The following APBB2 variants were observed in gnomAD, a reference collection of about 807,000 sequenced individuals.
The protein encoded by APBB2 is amyloid beta precursor protein binding family B member 2.
A neutral mutation model predicts 82.5 loss-of-function variants in APBB2; 38 were observed. The observed-to-expected ratio is 0.46, with a 90% CI of 0.36 to 0.60. APBB2 has a LOEUF of 0.60. Ranked by LOEUF, APBB2 falls within the 20% of genes least tolerant of loss-of-function variation. APBB2 has a pLI of 0.00. For missense variants in APBB2, 772 were observed against 972.3 expected, an observed-to-expected ratio of 0.79 and a Z score of 2.74; for synonymous variants, 341 against 368.2, an observed-to-expected ratio of 0.93 and a Z score of 0.85.
At chr4:41,156,373 C>A (rs1478245810) in intron 1 of APBB2, among the ~76,000 whole-genome samples, 1 of 152,240 alleles carries the variant, frequency 6.6e-6, no homozygotes, top group Non-Finnish European at 1.5e-5. Context: ...CCTCAACAGA[C>A]TTCCTATAAA....
chr4:41,085,630 C>A (rs1388106011), intron 3 of APBB2, among the ~76,000 whole-genome samples: 5 of 151,992 alleles, frequency 3.3e-5, no homozygotes, highest in African/African-American at 4.8e-5. Flanking sequence ...AATAATGCAA[C>A]AAATAATAAG....
intron 6 of APBB2, among the ~76,000 whole-genome samples, chr4:40,946,232 CAAAAAAAAAA>C (rs55995119): frequency 5.1e-5 from 4 of 78,724 alleles, no homozygotes; most frequent in Non-Finnish European, 7.1e-5. Flanking sequence ...ACTCTATCTC[CAAAAAAAAAA>C]AAAAAAAAAA....
intron 1 of APBB2, among the ~76,000 whole-genome samples, chr4:41,190,291 G>T (rs964230181): frequency 3.5e-5 from 4 of 115,884 alleles, no homozygotes; most frequent in Non-Finnish European, 6.5e-5. Flanking sequence ...TTGTTCCGTC[G>T]CCCAGGCTGG....
intron 1 of APBB2, among the ~76,000 whole-genome samples, chr4:41,181,585 T>C (rs1771362475): frequency 1.3e-5 from 2 of 152,196 alleles, no homozygotes; most frequent in Admixed American, 6.5e-5. Flanking sequence ...AACACACTCT[T>C]ACTCCTTAAG....
chr4:41,093,768 C>A (rs911664148), intron 3 of APBB2, among the ~76,000 whole-genome samples: 1 of 152,006 alleles, frequency 6.6e-6, no homozygotes, highest in East Asian at 1.9e-4. Context: ...GCGGAAGAAT[C>A]GCTTGAATCT....
intron 3 of APBB2, among the ~76,000 whole-genome samples, chr4:41,074,636 G>C (rs1735010869): frequency 6.8e-6 from 1 of 146,220 alleles, no homozygotes; most frequent in Non-Finnish European, 1.5e-5. Context: ...TTGAGATGGA[G>C]TCTTGCTCTG....
At chr4:41,074,455 T>G (rs1734900389) in intron 3 of APBB2, among the ~76,000 whole-genome samples, 1 of 152,168 alleles carries the variant, frequency 6.6e-6, no homozygotes, top group African/African-American at 2.4e-5. Context: ...CCAGCACTCT[T>G]TATCATAGTG....
intron 3 of APBB2, among the ~76,000 whole-genome samples, chr4:41,087,175 A>G (rs1740071130): frequency 6.6e-6 from 1 of 152,198 alleles, no homozygotes; most frequent in African/African-American, 2.4e-5. Context: ...TTACATAAAA[A>G]TGAATGGAAA....
chr4:41,152,583 C>T (rs1560893023), intron 1 of APBB2, among the ~76,000 whole-genome samples: 1 of 152,184 alleles, frequency 6.6e-6, no homozygotes, highest in African/African-American at 2.4e-5. Context: ...CCACCTCGGC[C>T]TCCCAAAGTG....
chr4:41,162,986 C>T (rs1765575552), intron 1 of APBB2, among the ~76,000 whole-genome samples: 1 of 152,106 alleles, frequency 6.6e-6, no homozygotes, highest in Non-Finnish European at 1.5e-5. Flanking sequence ...AAGACACAAT[C>T]CAAGAAAGGT....
chr4:41,007,267 G>A (rs543992754), intron 6 of APBB2, among the ~76,000 whole-genome samples: 3 of 151,836 alleles, frequency 2.0e-5, no homozygotes, highest in Admixed American at 6.6e-5. Context: ...CTTTCCCTCT[G>A]GCCATGTGAT....
chr4:41,105,803 G>A (rs1054858848), intron 2 of APBB2, among the ~76,000 whole-genome samples: 16 of 151,490 alleles, frequency 1.1e-4, no homozygotes, highest in African/African-American at 3.6e-4. Flanking sequence ...GGAGAATGGC[G>A]TGAACCCGGG....
At chr4:40,933,493 C>T (rs777459303) in intron 10 of APBB2, among the ~76,000 whole-genome samples, 45 of 152,322 alleles carry the variant, frequency 3.0e-4, no homozygotes, top group Middle Eastern at 3.4e-3. Flanking sequence ...CTCACCCCCA[C>T]TGAGTCGCCT....
intron 3 of APBB2, among the ~76,000 whole-genome samples, chr4:41,069,974 T>C (rs1733243053): frequency 6.6e-6 from 1 of 152,202 alleles, no homozygotes; most frequent in South Asian, 2.1e-4. Context: ...ATGAACATTT[T>C]GAGGACACAA....
chr4:41,138,834 A>G (rs576348021), intron 2 of APBB2, among the ~76,000 whole-genome samples: 2 of 152,202 alleles, frequency 1.3e-5, no homozygotes, highest in Non-Finnish European at 2.9e-5. Context: ...AGAAAATACT[A>G]GCAAAGTCAT....
chr4:41,084,532 G>A (rs1212357613), intron 3 of APBB2: 5 of 152,186 alleles, frequency 3.3e-5, no homozygotes, highest in Non-Finnish European at 7.3e-5. Context: ...GAGGACAAGT[G>A]TTCATCATGC....
chr4:41,058,343 T>C (rs28507996), intron 4 of APBB2, among the ~76,000 whole-genome samples: 27,727 of 151,976 alleles, frequency 0.18, 2,875 homozygotes, highest in Non-Finnish European at 0.24. Flanking sequence ...ATTTGGACTA[T>C]TGAAATTTCA....
intron 6 of APBB2, among the ~76,000 whole-genome samples, chr4:41,007,073 G>A (rs1806966017): frequency 6.6e-6 from 1 of 152,126 alleles, no homozygotes; most frequent in Non-Finnish European, 1.5e-5. Context: ...CACTGCTATA[G>A]TCTAAATGTG....
intron 6 of APBB2, among the ~76,000 whole-genome samples, chr4:41,004,562 C>T (rs578191430): frequency 9.2e-5 from 14 of 151,944 alleles, no homozygotes; most frequent in Non-Finnish European, 1.6e-4. Context: ...GGCATGTGGC[C>T]GGGCACGATG....
Sources: allele counts gnomAD v4.1 joint callset (sites outside exome capture counted in the v4.1 genomes callset), GRCh38; gene constraint gnomAD v4.1.1; transcripts MANE v1.5; gene names NCBI Gene and HGNC (gene_info 2026-07-23, HGNC 2026-07-21).